Variants in SLU7 observed in about 807,000 individuals in gnomAD.
SLU7 encodes the protein pre-mRNA-splicing factor SLU7.
Under a neutral mutation model 87.0 loss-of-function variants are expected in SLU7, and 60 were observed. The ratio of observed to expected loss-of-function variants is 0.69; its 90% CI spans 0.56 to 0.86. The LOEUF (loss-of-function observed/expected upper bound fraction) is 0.86. Among genes scored for constraint, SLU7 ranks in the 40% least tolerant of loss-of-function variants. SLU7 has a pLI of 0.00. For synonymous variants in SLU7, 197 were observed against 222.0 expected (o/e 0.89, Z 1.00); for missense variants, 507 against 686.6 (o/e 0.74, Z 2.92).
At position 160,404,918 on chromosome 5, in the gene SLU7, G is replaced by A. The variant is rs112312225; in HGVS notation, c.1393-38C>T. 3.9e-6 allele frequency: 6 copies of A among 1,521,886 alleles called. No individual in the cohort carries two copies. The African/African-American group carries it at 8.2e-5, about 21-fold the overall frequency. 94.3% of individuals were successfully genotyped at this position (1,521,886 alleles called of 1,614,324 possible). On this transcript the variant is annotated intron_variant, in intron 13 of 15. Coordinates refer to ENST00000297151, the MANE Select transcript of SLU7 (RefSeq NM_006425.5). Reference sequence around the variant, plus strand: ...CATGTAATTTGAGTTGAGTGTCATAGTTACTAATCATCTAAGAACAAGTTA... The same window carrying A: ...CATGTAATTTGAGTTGAGTGTCATAATTACTAATCATCTAAGAACAAGTTA...
Position 160,408,361 on chromosome 5 carries a change from G to T in SLU7, c.787C>A (p.Arg263=), listed in dbSNP as rs1386900916. The T allele has an allele frequency of 6.2e-7, 1 of 1,610,516 alleles. No individual in the cohort carries two copies. The highest frequency in any genetic ancestry group is 1.7e-5 in the Admixed American group (1 of 59,620). ...NFDSKRRITV[R]NLRIREDIAK... Reference sequence around the variant, plus strand: ...ATATCTTCTCGAATCCTGAGATTCCGGACAGTAATTCGTCTCTTGGAGTCA... The same window carrying T: ...ATATCTTCTCGAATCCTGAGATTCCTGACAGTAATTCGTCTCTTGGAGTCA... The change falls in exon 8 of 16, where the codon CGG becomes AGG. Residue 263 remains arginine (R), a synonymous_variant. Coordinates refer to ENST00000297151, the MANE Select transcript of SLU7 (RefSeq NM_006425.5).
chr5:160,413,565 T>C lies in SLU7; in HGVS notation c.461A>G (p.His154Arg). ...GTCAAACATCAGTTGAGGCTGGACATGTTCATCTGGAGCTATATTAGTACC... is the reference window on the plus strand; with the variant it reads ...GTCAAACATCAGTTGAGGCTGGACACGTTCATCTGGAGCTATATTAGTACC... The part of the protein sequence containing the change: ...FTGTNIAPDE[H>R]VQPQLMFDYD... The change falls in exon 5 of 16, where the codon CAT becomes CGT. Residue 154 changes from histidine to arginine, a missense_variant. Coordinates refer to ENST00000297151, the MANE Select transcript of SLU7 (RefSeq NM_006425.5). 1.2e-6 allele frequency: 2 copies of C among 1,614,008 alleles called. No individual in the cohort carries two copies. The highest frequency in any genetic ancestry group is 1.7e-6 in the Non-Finnish European group (2 of 1,179,894).
rs776879281 is a variant in SLU7, at chr5:160,407,729, A to G, written c.985+17T>C. ...ATGAGCTGATATAAAATGGCTTGAC[A>G]TAGAGGAAACACTTACACTGTGTCT... On this transcript the variant is annotated intron_variant, in intron 10 of 15. Transcript: ENST00000297151. This position sits in a 1 kb window ranked among gnomAD's most constrained non-coding sequence, Gnocchi z 4.2. 1 of 1,609,856 alleles carries G rather than the reference A, an allele frequency of 6.2e-7. No individual in the cohort carries two copies. The highest frequency in any genetic ancestry group is 1.1e-5 in the South Asian group (1 of 90,218).
intron 12 of SLU7, chr5:160,406,204 CTG>C (rs537713574): frequency 2.4e-4 from 62 of 262,532 alleles, no homozygotes; most frequent in African/African-American, 1.4e-3. Flanking sequence ...ATATGTAAAA[CTG>C]TGCATATGCA....
intron 6 of SLU7, among the ~76,000 whole-genome samples, chr5:160,409,816 G>A (rs1765157999): frequency 6.6e-6 from 1 of 152,104 alleles, no homozygotes; most frequent in African/African-American, 2.4e-5. Context: ...GGGGAGGGGA[G>A]AGACAGATAG....
Position 160,407,372 on chromosome 5 carries a change from A to T in SLU7, c.1125+104T>A. ...AGAAAAGGACTATTCTTCATGGATT[A>T]AGAGGGCTCTCTTTGCATTATTTTC... On this transcript the variant is annotated intron_variant, in intron 11 of 15. Coordinates refer to ENST00000297151, the MANE Select transcript of SLU7 (RefSeq NM_006425.5). This position sits in a 1 kb window ranked among gnomAD's most constrained non-coding sequence, Gnocchi z 4.2. The T allele has an allele frequency of 1.0e-6, 1 of 974,330 alleles. No individual in the cohort carries two copies. The highest frequency in any genetic ancestry group is 1.5e-6 in the Non-Finnish European group (1 of 664,560). 60.4% of individuals were successfully genotyped at this position (974,330 alleles called of 1,614,324 possible). A position where few individuals can be genotyped will look rare whatever the true frequency, so the allele number is the denominator to read the frequency against.
At position 160,406,499 on chromosome 5, in the gene SLU7, T is replaced by A. The variant is rs771425555; in HGVS notation, c.1256A>T (p.Tyr419Phe). 3.1e-6 allele frequency: 5 copies of A among 1,612,884 alleles called. No individual in the cohort carries two copies. The highest frequency in any genetic ancestry group is 4.2e-6 in the Non-Finnish European group (5 of 1,179,608). ...ATTGTGGATCTTCACATCCTCCTCA[T>A]ACTTAGAGCAGGCAACAGCCCGCTC... Reference protein sequence around the residue: ...GQERAVACSKYEEDVKIHNHT... With the variant: ...GQERAVACSKFEEDVKIHNHT... Residue 419 changes from tyrosine to phenylalanine, a missense_variant, in exon 12 of 16, where the codon TAT becomes TTT. Tyr to Phe is a conservative substitution (Grantham distance 22). Coordinates refer to ENST00000297151, the MANE Select transcript of SLU7 (RefSeq NM_006425.5).
chr5:160,408,946 T>G (rs1561558427), intron 6 of SLU7, among the ~76,000 whole-genome samples: 1 of 150,296 alleles, frequency 6.7e-6, no homozygotes, highest in African/African-American at 2.4e-5. Flanking sequence ...CTCACACTTC[T>G]CAGTTATAAT....
rs544491261 is a variant in SLU7, at chr5:160,403,244, G to A, written c.*41C>T. On this transcript the variant is annotated 3_prime_UTR_variant, in exon 16 of 16. Transcript: ENST00000297151. ...TCATCAATAAGAAGCTGAAAAGAATGTATCAGCTGCATCTATCTTGGATGG... is the reference window on the plus strand; with the variant it reads ...TCATCAATAAGAAGCTGAAAAGAATATATCAGCTGCATCTATCTTGGATGG... The A allele has an allele frequency of 3.1e-4, 428 of 1,379,890 alleles. 7 individuals are homozygous for A. In the South Asian group the frequency reaches 5.8e-3, roughly 19 times the overall value. 85.5% of individuals were successfully genotyped at this position (1,379,890 alleles called of 1,614,324 possible). A position where few individuals can be genotyped will look rare whatever the true frequency, so the allele number is the denominator to read the frequency against.
rs2961944 is a variant in SLU7, at chr5:160,408,651, A to T, written c.686T>A (p.Met229Lys). The change falls in exon 7 of 16, where the codon ATG becomes AAG. Residue 229 changes from methionine to lysine, a missense_variant and splice_region_variant. This residue lies in a region of SLU7 where 155 missense variants were observed against 154.4 expected (regional missense o/e 1.00). Transcript: ENST00000297151. ...QWGEEEPNSQ[M>K]EKDHNSEDED... ...TCAGAGACAGCAAATATGTATTACC[A>T]TCTGAGAATTTGGTTCCTCTTCTCC... The T allele has an allele frequency of 6.4e-7, 1 of 1,556,794 alleles. No homozygotes were observed. Among genetic ancestry groups the T allele is most frequent in the Non-Finnish European group, 8.8e-7 (1 of 1,137,052 alleles).
Position 160,412,473 on chromosome 5 carries a change from G to A in SLU7, c.617C>T (p.Ser206Leu). The change falls in exon 6 of 16, where the codon TCA becomes TTA. Residue 206 changes from serine (S) to leucine (L), a missense_variant. Coordinates refer to ENST00000297151, the MANE Select transcript of SLU7 (RefSeq NM_006425.5). ...KAQKLQEELA[S>L]GKLVEQANSP... ...TACAGCCTGTTCCACTAATTTTCCT[G>A]AGGCTAATTCCTCTTGGAGTTTCTG... 1.3e-6 allele frequency: 2 copies of A among 1,529,096 alleles called. No individual in the cohort carries two copies. Among genetic ancestry groups the A allele is most frequent in the Non-Finnish European group, 1.8e-6 (2 of 1,130,256 alleles). 94.7% of individuals were successfully genotyped at this position (1,529,096 alleles called of 1,614,324 possible). A position where few individuals can be genotyped will look rare whatever the true frequency, so the allele number is the denominator to read the frequency against.
chr5:160,407,435 C>CT lies in SLU7; in HGVS notation c.1125+40dup. 6.4e-7 allele frequency: 1 copy of CT among 1,566,968 alleles called. No homozygotes were observed. Among genetic ancestry groups the CT allele is most frequent in the Non-Finnish European group, 8.7e-7 (1 of 1,154,182 alleles). ...TAACGCTTATTAACTAGTAACTTCT[C>CT]TTTAACAGAAGTTCTTCTTTAGCAT... On this transcript the variant is annotated intron_variant, in intron 11 of 15. Transcript: ENST00000297151. This position sits in a 1 kb window ranked among gnomAD's most constrained non-coding sequence, Gnocchi z 4.2.
intron 12 of SLU7, 105 bp downstream of exon 12, chr5:160,406,363 T>TA (rs397819433): frequency 5.1e-5 from 45 of 877,598 alleles, no homozygotes; most frequent in Middle Eastern, 2.4e-4. Context: ...TTTTTTTTTT[T>TA]AAAGCATAGA....
rs892595498 is a variant in SLU7 at position 160,419,054 on chromosome 5, C to G, written c.-48G>C. 2.6e-5 allele frequency: 4 copies of G among 152,280 alleles called. No homozygotes were observed. The highest frequency in any genetic ancestry group is 1.3e-4 in the Admixed American group (2 of 15,290). The allele number at this position is 152,280 out of a possible 1,614,324, so 9.4% of individuals were successfully genotyped here. On this transcript the variant is annotated 5_prime_UTR_variant, in exon 1 of 16. Coordinates refer to ENST00000297151, the MANE Select transcript of SLU7 (RefSeq NM_006425.5). ...CCGCCGCAGCTAGCCCCAAGTCCAT[C>G]CGACAGAATCCAAGCCAATCTCGTA...
At chr5:160,403,606 C>A (rs1465491509) in intron 15 of SLU7, 142 bp from the exon 16 acceptor site, 14 of 557,594 alleles carry the variant, frequency 2.5e-5, no homozygotes, top group South Asian at 1.7e-4. Context: ...TTGGAGTCAG[C>A]CCTTCTACTG....
chr5:160,412,343 C>A, intron 6 of SLU7, 108 bp downstream of exon 6: 2 of 702,730 alleles, frequency 2.8e-6, no homozygotes, highest in Non-Finnish European at 4.9e-6. Context: ...CCCCCAATAG[C>A]ATTTCTCTCT....
In SLU7 at chr5:160,405,103, T is replaced by C; in HGVS notation, c.1320A>G (p.Arg440=). 6.2e-7 allele frequency: 1 copy of C among 1,613,698 alleles called. No homozygotes were observed. The highest frequency in any genetic ancestry group is 8.5e-7 in the Non-Finnish European group (1 of 1,179,700). Residue 440 remains arginine (R), a synonymous_variant, in exon 13 of 16, where the codon CGA becomes CGG. Coordinates refer to ENST00000297151, the MANE Select transcript of SLU7 (RefSeq NM_006425.5). ...HIWGSYWKEG[R]WGYKCCHSFF... ...AAGAGTGACAGCATTTGTATCCCCA[T>C]CGGCCTTCTTTCCAGTACGATCCCC...
At chr5:160,417,708 C>T (rs749197231) in intron 1 of SLU7, among the ~76,000 whole-genome samples, 2 of 150,246 alleles carry the variant, frequency 1.3e-5, no homozygotes, top group Non-Finnish European at 2.9e-5. Context: ...AGGAGAATCA[C>T]CTGAACCCAG....
intron 6 of SLU7, among the ~76,000 whole-genome samples, chr5:160,412,012 G>A (rs1765258297): frequency 6.6e-6 from 1 of 152,160 alleles, no homozygotes; most frequent in African/African-American, 2.4e-5. Context: ...GTTAACCAGT[G>A]TTGTTAATGA....
Sources: gnomAD v4.1 joint callset for allele counts (sites outside exome capture counted in the v4.1 genomes callset) on GRCh38, gnomAD v4.1.1 for gene constraint, gnomAD v4.1.1 regional missense constraint, Gnocchi (gnomAD v3.1) non-coding constraint, MANE v1.5 for transcripts, NCBI Gene and HGNC (gene_info 2026-07-23, HGNC 2026-07-21) for gene names.